KCNQ1: variants seen among roughly 807,000 people sequenced by gnomAD.
The protein encoded by KCNQ1 is potassium voltage-gated channel subfamily Q member 1.
KCNQ1 carries 49 observed loss-of-function variants against 72.4 expected under a neutral mutation model. That is an observed-to-expected ratio of 0.68 (90% CI 0.54 to 0.86). The LOEUF (loss-of-function observed/expected upper bound fraction) is 0.86. KCNQ1 is among the 40% of genes least tolerant of loss of function. The probability of loss-of-function intolerance (pLI) is 0.00; values close to 1 mark genes in which losing one functional copy is unlikely to be tolerated. For missense variants in KCNQ1, 790 were observed against 945.1 expected (o/e 0.84, Z 2.15); for synonymous variants, 450 against 412.6 (o/e 1.09, Z -1.10).
chr11:2,561,064 A>T (rs1300965857), intron 2 of KCNQ1, among the ~76,000 whole-genome samples: 1 of 151,482 alleles, frequency 6.6e-6, no homozygotes. Context: ...TAGCCGGGCG[A>T]GGTGGCGGGC....
intron 10 of KCNQ1, chr11:2,615,261 C>T (rs947946269): frequency 2.5e-6 from 1 of 397,952 alleles, no homozygotes; most frequent in Non-Finnish European, 4.4e-6. Flanking sequence ...ATGTACCCTG[C>T]AATTTTGCTG....
intron 1 of KCNQ1, among the ~76,000 whole-genome samples, chr11:2,448,246 G>T (rs1846073413): frequency 6.6e-6 from 1 of 152,176 alleles, no homozygotes; most frequent in South Asian, 2.1e-4. Context: ...TTTGAGGGGG[G>T]ACCTGCAGTG....
At chr11:2,756,441 T>TAAAAAA (rs59499292) in intron 11 of KCNQ1, among the ~76,000 whole-genome samples, 1 of 137,246 alleles carries the variant, frequency 7.3e-6, no homozygotes, top group African/African-American at 2.6e-5. Context: ...TTACTAAAAT[T>TAAAAAA]AAAAAAAAAA....
intron 1 of KCNQ1, among the ~76,000 whole-genome samples, chr11:2,448,921 T>C (rs1846081931): frequency 6.6e-6 from 1 of 152,176 alleles, no homozygotes; most frequent in Non-Finnish European, 1.5e-5. Context: ...CCCTTACCCC[T>C]GGCCGTCAGC....
At position 2,835,952 on chromosome 11, in the gene KCNQ1, G is replaced by A. The variant is rs563838353; in HGVS notation, c.1795-11815G>A. Among the ~76,000 whole-genome samples the A allele has an allele frequency of 1.8e-3, 276 of 152,216 alleles. 1 individual carries two copies. Among genetic ancestry groups the A allele is most frequent in the Non-Finnish European group, 1.8e-3 (124 of 68,000 alleles). On this transcript the variant is annotated intron_variant, in intron 15 of 15. Transcript: ENST00000155840. Reference sequence around the variant, plus strand: ...GGCAGTGACAGGGTGATCGGGCCCGGTCAGTGGTCCCAGGGGTCGGGGACA... The same window carrying A: ...GGCAGTGACAGGGTGATCGGGCCCGATCAGTGGTCCCAGGGGTCGGGGACA...
chr11:2,786,510 T>C (rs1194342826), intron 15 of KCNQ1, among the ~76,000 whole-genome samples: 1 of 152,030 alleles, frequency 6.6e-6, no homozygotes, highest in Non-Finnish European at 1.5e-5. Context: ...TTCACTTCAG[T>C]CTCATTATCT....
At chr11:2,667,402 C>T in intron 11 of KCNQ1, 1 of 398,692 alleles carries the variant, frequency 2.5e-6, no homozygotes, top group South Asian at 1.3e-4. Context: ...TGGCCAGGCT[C>T]AGCCCTCTCC....
At chr11:2,839,497 T>G (rs1251565498) in intron 15 of KCNQ1, among the ~76,000 whole-genome samples, 1 of 152,130 alleles carries the variant, frequency 6.6e-6, no homozygotes, top group Non-Finnish European at 1.5e-5. Context: ...CACGGGGCCA[T>G]GTGGCACCGG....
rs576283135 is a variant in KCNQ1, at chr11:2,711,805, C to T, written c.1514+49724C>T. Among the ~76,000 whole-genome samples the T allele has an allele frequency of 5.1e-4, 78 of 152,318 alleles. 3 individuals are homozygous for T. In the South Asian group the frequency reaches 0.015, roughly 29 times the overall value. ...TCAACTCGAGGGTCTCAAATCCACTCAGCAGACTTAGGAGGGAGGGTCCTG... is the reference window on the plus strand; with the variant it reads ...TCAACTCGAGGGTCTCAAATCCACTTAGCAGACTTAGGAGGGAGGGTCCTG... On this transcript the variant is annotated intron_variant, in intron 11 of 15. Transcript: ENST00000155840. The surrounding 1 kb of genome is among the most constrained non-coding windows in gnomAD (Gnocchi z 5.4).
Position 2,782,319 on chromosome 11 carries a change from A to T in KCNQ1, c.1794+4282A>T, listed in dbSNP as rs1473837067. On this transcript the variant is annotated intron_variant, in intron 15 of 15. Coordinates refer to ENST00000155840, the MANE Select transcript of KCNQ1 (RefSeq NM_000218.3). The surrounding 1 kb of genome is among the most constrained non-coding windows in gnomAD (Gnocchi z 6.1). ...CTTCACATTGTATATTATTTCTTAA[A>T]CACTGCTGAAATCTCACTTACTAAT... Among the ~76,000 whole-genome samples, 1 of 152,188 alleles carries T rather than the reference A, an allele frequency of 6.6e-6. No individual in the cohort carries two copies. Among genetic ancestry groups the T allele is most frequent in the Non-Finnish European group, 1.5e-5 (1 of 68,042 alleles).
At chr11:2,795,878 G>A (rs1441265641) in intron 15 of KCNQ1, among the ~76,000 whole-genome samples, 5 of 152,078 alleles carry the variant, frequency 3.3e-5, no homozygotes, top group South Asian at 2.1e-4. Flanking sequence ...GGCGGGGGCC[G>A]GGGGAACAGG....
chr11:2,770,931 G>A (rs539330452), intron 12 of KCNQ1, among the ~76,000 whole-genome samples: 6 of 152,382 alleles, frequency 3.9e-5, no homozygotes, highest in Non-Finnish European at 7.3e-5. Context: ...GCAGTCCCCC[G>A]AGGGCAGAGG....
intron 15 of KCNQ1, among the ~76,000 whole-genome samples, chr11:2,841,198 G>T (rs1163712821): frequency 6.6e-6 from 1 of 152,200 alleles, no homozygotes; most frequent in Admixed American, 6.5e-5. Flanking sequence ...GGGTGCAAAG[G>T]CCCCAGGGCC....
rs1849871107 is a variant in KCNQ1, at chr11:2,657,525, C to T, written c.1394-4436C>T. On this transcript the variant is annotated intron_variant, in intron 10 of 15. Transcript: ENST00000155840. The surrounding 1 kb of genome is among the most constrained non-coding windows in gnomAD (Gnocchi z 4.8). ...TTACAGAAGAGAAACAAAAATAGTA[C>T]CGAGTACCCACATCCCTTTCACCAG... is the stretch of plus-strand genomic sequence containing the variant. The T allele has an allele frequency of 2.5e-6, 1 of 398,414 alleles. No homozygotes were observed. The highest frequency in any genetic ancestry group is 2.1e-5 in the African/African-American group (1 of 48,606). The allele number at this position is 398,414 out of a possible 1,614,324, so 24.7% of individuals were successfully genotyped here.
chr11:2,742,484 C>T (rs369024787), intron 11 of KCNQ1, among the ~76,000 whole-genome samples: 1 of 152,234 alleles, frequency 6.6e-6, no homozygotes, highest in African/African-American at 2.4e-5. Context: ...TGTGCCCACT[C>T]ATGTGGTGGA....
rs140291195 is a variant in KCNQ1 at position 2,467,259 on chromosome 11, C to T, written c.386+21775C>T. Among the ~76,000 whole-genome samples the T allele has an allele frequency of 1.7e-3, 259 of 152,262 alleles. 2 individuals carry two copies. The highest frequency in any genetic ancestry group is 5.9e-3 in the African/African-American group (244 of 41,548). ...ACAGGGCTCCATGGGGTGGGCTGAG[C>T]CATGAGCGCCCTTCGTGGCACCTTG... On this transcript the variant is annotated intron_variant, in intron 1 of 15. Coordinates refer to ENST00000155840, the MANE Select transcript of KCNQ1 (RefSeq NM_000218.3).
chr11:2,810,875 C>T (rs1847471026), intron 15 of KCNQ1, among the ~76,000 whole-genome samples: 1 of 152,192 alleles, frequency 6.6e-6, no homozygotes, highest in East Asian at 1.9e-4. Context: ...GGGCTGGCAG[C>T]CGGGAGTCCC....
chr11:2,568,728 G>A (rs532065245), intron 2 of KCNQ1, among the ~76,000 whole-genome samples: 1 of 152,276 alleles, frequency 6.6e-6, no homozygotes, highest in East Asian at 1.9e-4. Context: ...GGGTGGATAA[G>A]ACCAAGGTAG....
chr11:2,765,611 C>G (rs1846483826), intron 11 of KCNQ1, among the ~76,000 whole-genome samples: 1 of 152,178 alleles, frequency 6.6e-6, no homozygotes, highest in South Asian at 2.1e-4. Context: ...TCTCTTTTAG[C>G]TTTTAGTTCT....
Sources: allele counts gnomAD v4.1 joint callset (sites outside exome capture counted in the v4.1 genomes callset), GRCh38; gene constraint gnomAD v4.1.1; non-coding constraint Gnocchi (gnomAD v3.1); transcripts MANE v1.5; gene names NCBI Gene and HGNC (gene_info 2026-07-23, HGNC 2026-07-21).